The following SAMMSON variants were observed in gnomAD, a reference collection of about 807,000 sequenced individuals.
The protein encoded by SAMMSON is survival associated mitochondrial melanoma specific oncogenic non-coding RNA, also known as long intergenic non-protein coding RNA 1212.
chr3:70,171,204 A>G (rs1700943876), intron 4 of SAMMSON, among the ~76,000 whole-genome samples: 1 of 151,852 alleles, frequency 6.6e-6, no homozygotes, highest in Admixed American at 6.6e-5. Flanking sequence ...ACAAATTAAG[A>G]GCTCTCTTCT....
At chr3:70,042,611 T>C (rs2067110044) in intron 3 of SAMMSON, among the ~76,000 whole-genome samples, 1 of 152,094 alleles carries the variant, frequency 6.6e-6, no homozygotes, top group Admixed American at 6.6e-5. Flanking sequence ...CCATCAACCA[T>C]CTCTCACCAG....
intron 7 of SAMMSON, among the ~76,000 whole-genome samples, chr3:70,344,577 T>G (rs781599143): frequency 1.6e-4 from 25 of 152,194 alleles, no homozygotes; most frequent in Non-Finnish European, 3.1e-4. Context: ...GGTTAACACT[T>G]AAGCTATCTG....
chr3:70,172,496 A>G (rs966328868), intron 4 of SAMMSON: 2 of 151,884 alleles, frequency 1.3e-5, no homozygotes, highest in African/African-American at 4.8e-5. Flanking sequence ...GTGTTCTTAT[A>G]AGTGTTGGTT....
At chr3:70,053,566 G>T (rs2067154308) in intron 3 of SAMMSON, among the ~76,000 whole-genome samples, 1 of 152,134 alleles carries the variant, frequency 6.6e-6, no homozygotes, top group Non-Finnish European at 1.5e-5. Context: ...CACACAAGGA[G>T]ACTGACACGT....
chr3:70,088,749 T>A (rs2106645773), intron 4 of SAMMSON, among the ~76,000 whole-genome samples: 1 of 152,262 alleles, frequency 6.6e-6, no homozygotes, highest in South Asian at 2.1e-4. Flanking sequence ...GGGAGAGAGA[T>A]TAAACAAGTC....
chr3:70,124,322 T>C (rs756345052), intron 4 of SAMMSON, among the ~76,000 whole-genome samples: 3 of 152,210 alleles, frequency 2.0e-5, no homozygotes, highest in Non-Finnish European at 2.9e-5. Context: ...AATGAACTAA[T>C]GAATAAACTT....
rs959369723 is a variant in SAMMSON, at chr3:70,291,539, C to T, written n.739+296C>T. On this transcript the variant is annotated intron_variant and non_coding_transcript_variant, in intron 7 of 9. Coordinates refer to ENST00000642114, the Ensembl canonical transcript of SAMMSON. ...TTTCTGTTTATTTGGTCTTATCTCT[C>T]ATCACATTCTGAGATTCTCAGAAGG... is the stretch of plus-strand genomic sequence containing the variant. Among the ~76,000 whole-genome samples the T allele has an allele frequency of 2.0e-5, 3 of 152,274 alleles. 1 individual carries two copies. The highest frequency in any genetic ancestry group is 4.1e-4 in the South Asian group (2 of 4,824).
chr3:70,339,984 G>T (rs1309490178), intron 7 of SAMMSON, among the ~76,000 whole-genome samples: 1 of 152,078 alleles, frequency 6.6e-6, no homozygotes, highest in Non-Finnish European at 1.5e-5. Context: ...ATTCACAATA[G>T]CAAAGACTTG....
At chr3:70,166,774 C>G (rs2067639098) in intron 4 of SAMMSON, among the ~76,000 whole-genome samples, 1 of 151,918 alleles carries the variant, frequency 6.6e-6, no homozygotes, top group South Asian at 2.1e-4. Flanking sequence ...AATACTCACC[C>G]AGGACAAAAA....
chr3:70,108,441 T>TTTTTTTTTTTTTTTTTTTTTTTTA (rs1553715435), intron 4 of SAMMSON, among the ~76,000 whole-genome samples: 8 of 146,402 alleles, frequency 5.5e-5, no homozygotes, highest in African/African-American at 2.1e-4. Context: ...TTTTTTTTTT[T>TTTTTTTTTTTTTTTTTTTTTTTTA]ATCATAACTC....
At chr3:70,411,094 C>G (rs1205936635) in intron 2 of SAMMSON, among the ~76,000 whole-genome samples, 1 of 152,090 alleles carries the variant, frequency 6.6e-6, no homozygotes, top group Non-Finnish European at 1.5e-5. Context: ...CTTTTGAAGA[C>G]CATCATTGAT....
chr3:70,415,373 A>C (rs1462270395), intron 2 of SAMMSON, among the ~76,000 whole-genome samples: 1 of 152,112 alleles, frequency 6.6e-6, no homozygotes, highest in Non-Finnish European at 1.5e-5. Context: ...AAAAAATTTA[A>C]TCACAAAGGA....
intron 7 of SAMMSON, among the ~76,000 whole-genome samples, chr3:70,296,510 T>G (rs139318852): frequency 5.9e-5 from 9 of 152,156 alleles, no homozygotes; most frequent in African/African-American, 2.2e-4. Flanking sequence ...TAAGATAATT[T>G]AAAAAAAATC....
intron 3 of SAMMSON, among the ~76,000 whole-genome samples, chr3:70,048,564 T>C (rs978383959): frequency 6.6e-6 from 1 of 152,096 alleles, no homozygotes; most frequent in Non-Finnish European, 1.5e-5. Context: ...AATATCAATA[T>C]AAACTTTAAG....
At chr3:70,180,570 C>T (rs1026559141) in intron 4 of SAMMSON, among the ~76,000 whole-genome samples, 17 of 151,992 alleles carry the variant, frequency 1.1e-4, no homozygotes, top group African/African-American at 3.6e-4. Context: ...TTTTATACAC[C>T]GACATAAACC....
At chr3:70,217,417 T>C (rs1701425888) in intron 4 of SAMMSON, among the ~76,000 whole-genome samples, 1 of 152,192 alleles carries the variant, frequency 6.6e-6, no homozygotes, top group Admixed American at 6.5e-5. Flanking sequence ...CTCAAGCTTT[T>C]AATATAATTT....
chr3:70,180,685 C>T (rs2106705186), intron 4 of SAMMSON, among the ~76,000 whole-genome samples: 1 of 152,276 alleles, frequency 6.6e-6, no homozygotes, highest in East Asian at 1.9e-4. Context: ...TACAGAAGTA[C>T]ACCGTGCTAC....
chr3:70,370,175 C>T (rs1202208253), intron 9 of SAMMSON, among the ~76,000 whole-genome samples: 1 of 151,750 alleles, frequency 6.6e-6, no homozygotes, highest in Non-Finnish European at 1.5e-5. Flanking sequence ...AGTATTCCAC[C>T]GTATATATAC....
chr3:70,052,608 G>A (rs1455219969), intron 3 of SAMMSON, among the ~76,000 whole-genome samples: 1 of 152,064 alleles, frequency 6.6e-6, no homozygotes, highest in Non-Finnish European at 1.5e-5. Flanking sequence ...TGGAATTCTG[G>A]CATTAATGTT....
Sources: allele counts gnomAD v4.1 joint callset (sites outside exome capture counted in the v4.1 genomes callset), GRCh38; gene constraint gnomAD v4.1.1; transcripts MANE v1.5; gene names NCBI Gene and HGNC (gene_info 2026-07-23, HGNC 2026-07-21).